OSBPL6: variants seen among roughly 807,000 people sequenced by gnomAD.
OSBPL6 encodes the protein oxysterol binding protein like 6.
In OSBPL6, 49 loss-of-function variants were observed where a neutral mutation model predicts 125.8. That is an observed-to-expected ratio of 0.39 (90% CI 0.31 to 0.49). The LOEUF (loss-of-function observed/expected upper bound fraction) is 0.49. OSBPL6 is among the 20% of genes least tolerant of loss of function. The probability of loss-of-function intolerance (pLI) is 0.88; values close to 1 mark genes in which losing one functional copy is unlikely to be tolerated. For missense variants in OSBPL6, 986 were observed against 1,135.4 expected (o/e 0.87, Z 1.89); for synonymous variants, 394 against 391.8 (o/e 1.01, Z -0.07).
intron 7 of OSBPL6, 51 bp downstream of exon 7, chr2:178,332,805 G>A (rs760119939): frequency 5.0e-6 from 8 of 1,610,272 alleles, no homozygotes; most frequent in Non-Finnish European, 5.9e-6. Context: ...GAAACGATTT[G>A]CCTACACCAG....
At chr2:178,380,827 A>T (rs1452174887) in intron 15 of OSBPL6, among the ~76,000 whole-genome samples, 1 of 152,230 alleles carries the variant, frequency 6.6e-6, no homozygotes, top group Non-Finnish European at 1.5e-5. Flanking sequence ...TTTCCAAATA[A>T]AGTAGCTGTA....
intron 4 of OSBPL6, 124 bp from the exon 5 acceptor site, chr2:178,328,132 T>C: frequency 8.0e-7 from 1 of 1,253,254 alleles, no homozygotes; most frequent in South Asian, 1.4e-5. Flanking sequence ...CTCCGGAATG[T>C]TGTTCATCCT....
rs1696128225 is a variant in OSBPL6, at chr2:178,402,540, A to C, written c.*6981A>C. ...TAGCAGGACATTCTTGATCCAGGTC[A>C]GCTTCTTCCCTGAAAATAATACATA... is the stretch of plus-strand genomic sequence containing the variant. On this transcript the variant is annotated 3_prime_UTR_variant, in exon 25 of 25. Coordinates refer to ENST00000190611, the MANE Select transcript of OSBPL6 (RefSeq NM_032523.4). 6.6e-6 allele frequency: 1 copy of C among 152,246 alleles called. No homozygotes were observed. The highest frequency in any genetic ancestry group is 2.4e-5 in the African/African-American group (1 of 41,466). 9.4% of individuals were successfully genotyped at this position (152,246 alleles called of 1,614,324 possible).
rs1008521336 is a variant in OSBPL6 at position 178,267,615 on chromosome 2, A to G, written c.-350-17312A>G. Reference sequence around the variant, plus strand: ...AGAGAAAAATGAAAACCCAGAGAAAAAGAACATTGGCCAGAAAACTTGAGG... The same window carrying G: ...AGAGAAAAATGAAAACCCAGAGAAAGAGAACATTGGCCAGAAAACTTGAGG... On this transcript the variant is annotated intron_variant, in intron 1 of 24. Transcript: ENST00000190611. 4.6e-5 allele frequency among the ~76,000 whole-genome samples: 7 copies of G among 152,218 alleles called. No homozygotes were observed. The East Asian group carries it at 1.4e-3, about 29-fold the overall frequency.
At chr2:178,285,401 C>T (rs1294196984) in intron 2 of OSBPL6, among the ~76,000 whole-genome samples, 1 of 151,930 alleles carries the variant, frequency 6.6e-6, no homozygotes, top group Non-Finnish European at 1.5e-5. Flanking sequence ...TACTGCTTTT[C>T]CCTTCTTGAG....
intron 1 of OSBPL6, among the ~76,000 whole-genome samples, chr2:178,222,261 C>T (rs2090370174): frequency 6.6e-6 from 1 of 152,152 alleles, no homozygotes; most frequent in Non-Finnish European, 1.5e-5. Flanking sequence ...CATAGATGTC[C>T]ATAAACCTTC....
At chr2:178,345,147 T>G (rs563345144) in intron 11 of OSBPL6, among the ~76,000 whole-genome samples, 2 of 152,326 alleles carry the variant, frequency 1.3e-5, no homozygotes, top group East Asian at 3.9e-4. Context: ...AATATTTGTT[T>G]AATCATGAGC....
intron 12 of OSBPL6, among the ~76,000 whole-genome samples, chr2:178,349,667 A>AT (rs1321959180): frequency 1.3e-5 from 2 of 152,058 alleles, no homozygotes; most frequent in Non-Finnish European, 2.9e-5. Flanking sequence ...ACTACTCAAC[A>AT]TTTTTTTCAA....
At chr2:178,383,494 T>G (rs1366783206) in intron 17 of OSBPL6, among the ~76,000 whole-genome samples, 1 of 152,082 alleles carries the variant, frequency 6.6e-6, no homozygotes, top group Non-Finnish European at 1.5e-5. Flanking sequence ...TGGTCTAGAG[T>G]GTTTCTAAAG....
chr2:178,389,922 T>C (rs546940529), intron 21 of OSBPL6, among the ~76,000 whole-genome samples: 52 of 152,324 alleles, frequency 3.4e-4, no homozygotes, highest in African/African-American at 1.1e-3. Flanking sequence ...TAAGCCATAT[T>C]GGAAGGTTGT....
chr2:178,383,192 A>G lies in OSBPL6; in HGVS notation c.1790A>G (p.Asn597Ser), dbSNP rs370352358. ...SMPVELNEPLNTLQHLCEEME... is the reference protein window; with the variant it reads ...SMPVELNEPLSTLQHLCEEME... ...CCTGTGGAGCTAAACGAGCCGCTCA[A>G]CACCCTGCAGCACCTCTGTGAGGAA... The change falls in exon 17 of 25, where the codon AAC (asparagine) becomes AGC (serine). Residue 597 changes from asparagine (N) to serine (S), a missense_variant. By Grantham distance (46) the Asn-to-Ser change is conservative. Coordinates refer to ENST00000190611, the MANE Select transcript of OSBPL6 (RefSeq NM_032523.4). The G allele has an allele frequency of 1.2e-6, 2 of 1,614,222 alleles. No homozygotes were observed. The highest frequency in any genetic ancestry group is 1.7e-6 in the Non-Finnish European group (2 of 1,180,032).
At chr2:178,215,135 C>A (rs62177218) in intron 1 of OSBPL6, among the ~76,000 whole-genome samples, 12 of 151,140 alleles carry the variant, frequency 7.9e-5, no homozygotes, top group Non-Finnish European at 5.9e-5. Flanking sequence ...ACAAAAAAAC[C>A]TTGGTACTTC....
At chr2:178,226,262 G>A (rs972188248) in intron 1 of OSBPL6, among the ~76,000 whole-genome samples, 26 of 152,104 alleles carry the variant, frequency 1.7e-4, no homozygotes, top group African/African-American at 6.3e-4. Flanking sequence ...GGAAGCCAGC[G>A]AGCAAGGGAT....
intron 3 of OSBPL6, 90 bp from the exon 4 acceptor site, chr2:178,324,087 T>C: frequency 1.3e-6 from 1 of 789,372 alleles, no homozygotes; most frequent in Non-Finnish European, 1.9e-6. Context: ...GCTCACTGTT[T>C]TGACTGTGTT....
chr2:178,379,038 G>C (rs533152748), intron 15 of OSBPL6, among the ~76,000 whole-genome samples: 1 of 152,106 alleles, frequency 6.6e-6, no homozygotes, highest in African/African-American at 2.4e-5. Context: ...GGGCATGGTG[G>C]TGCATACCTG....
At chr2:178,308,584 G>A (rs956504440) in intron 3 of OSBPL6, among the ~76,000 whole-genome samples, 1 of 152,166 alleles carries the variant, frequency 6.6e-6, no homozygotes, top group African/African-American at 2.4e-5. Flanking sequence ...GGTAACTAAT[G>A]AATGATTGAG....
chr2:178,358,557 T>C (rs778357992), intron 12 of OSBPL6, among the ~76,000 whole-genome samples: 2 of 152,080 alleles, frequency 1.3e-5, no homozygotes, highest in Non-Finnish European at 2.9e-5. Flanking sequence ...TGTAAAAGAA[T>C]GAAATTGGAC....
At position 178,400,072 on chromosome 2, in the gene OSBPL6, G is replaced by T. The variant is rs776236958; in HGVS notation, c.*4513G>T. 6.6e-6 allele frequency: 1 copy of T among 151,928 alleles called. No homozygotes were observed. The highest frequency in any genetic ancestry group is 1.5e-5 in the Non-Finnish European group (1 of 68,000). 9.4% of individuals were successfully genotyped at this position (151,928 alleles called of 1,614,324 possible). ...CATAAAGCAAAGTATCATCTTATTT[G>T]TGTTCCACCTGTTTCTTCTAACACT... On this transcript the variant is annotated 3_prime_UTR_variant, in exon 25 of 25. Coordinates refer to ENST00000190611, the MANE Select transcript of OSBPL6 (RefSeq NM_032523.4).
At chr2:178,194,237 G>A (rs1051288001), upstream of OSBPL6, among the ~76,000 whole-genome samples, 1 of 152,180 alleles carries the variant, frequency 6.6e-6, no homozygotes, top group African/African-American at 2.4e-5. Context: ...CACGGAGGCC[G>A]GGCCAGGGGA....
Sources: gnomAD v4.1 joint callset for allele counts (sites outside exome capture counted in the v4.1 genomes callset) on GRCh38, gnomAD v4.1.1 for gene constraint, MANE v1.5 for transcripts, NCBI Gene and HGNC (gene_info 2026-07-23, HGNC 2026-07-21) for gene names.